The following RAP1GAP2 variants were observed in gnomAD, a reference collection of about 807,000 sequenced individuals.
RAP1GAP2 encodes the protein rap1 GTPase-activating protein 2.
RAP1GAP2 carries 27 observed loss-of-function variants against 95.0 expected under a neutral mutation model. That is an observed-to-expected ratio of 0.28 (90% CI 0.21 to 0.39). The LOEUF is 0.39. Ranked by LOEUF, RAP1GAP2 falls within the 10% of genes least tolerant of loss-of-function variation. The pLI, the probability that RAP1GAP2 is intolerant of heterozygous loss-of-function variation, is 1.00. For missense variants in RAP1GAP2, 771 were observed against 970.0 expected, an observed-to-expected ratio of 0.79 and a Z score of 2.72; for synonymous variants, 373 against 380.9, an observed-to-expected ratio of 0.98 and a Z score of 0.24.
intron 3 of RAP1GAP2, among the ~76,000 whole-genome samples, chr17:2,951,841 C>T (rs536514913): frequency 1.3e-5 from 2 of 152,160 alleles, no homozygotes; most frequent in Admixed American, 1.3e-4. Context: ...CAAGACCAGC[C>T]TGGCCAACAT....
chr17:2,991,644 C>T (rs940645482), intron 12 of RAP1GAP2, among the ~76,000 whole-genome samples: 1 of 152,246 alleles, frequency 6.6e-6, no homozygotes, highest in Admixed American at 6.5e-5. Flanking sequence ...TGCCTTCCTA[C>T]TTACCTTTGG....
chr17:2,962,465 A>G (rs2044377216), intron 4 of RAP1GAP2: 1 of 549,440 alleles, frequency 1.8e-6, no homozygotes, highest in Non-Finnish European at 3.1e-6. Context: ...GCTCAAGTCT[A>G]TGCTGTTAGC....
At chr17:2,865,753 G>A (rs747895498) in intron 2 of RAP1GAP2, among the ~76,000 whole-genome samples, 11 of 152,178 alleles carry the variant, frequency 7.2e-5, no homozygotes, top group Non-Finnish European at 7.3e-5. Context: ...GGACTCAGCC[G>A]TGGTGCAAGT....
chr17:2,820,716 A>G (rs1387871553), intron 2 of RAP1GAP2, among the ~76,000 whole-genome samples: 1 of 150,192 alleles, frequency 6.7e-6, no homozygotes, highest in East Asian at 2.0e-4. Flanking sequence ...TTTCATGTTG[A>G]TTTGAGTGAC....
At position 2,816,231 on chromosome 17, in the gene RAP1GAP2, G is replaced by GT. The variant is rs201197626; in HGVS notation, c.80+15685dup. 1.1e-3 allele frequency among the ~76,000 whole-genome samples: 165 copies of GT among 146,678 alleles called. 1 individual carries two copies. The highest frequency in any genetic ancestry group is 1.4e-3 in the Non-Finnish European group (93 of 66,140). ...GCTGACCATACAGAGGTGCTGTTTT[G>GT]TTTTGTTTTTTTTTTTTCTTAGGAT... On this transcript the variant is annotated intron_variant, in intron 2 of 24. Coordinates refer to ENST00000254695, the MANE Select transcript of RAP1GAP2 (RefSeq NM_015085.5).
intron 1 of RAP1GAP2, among the ~76,000 whole-genome samples, chr17:2,762,638 T>A (rs984151979): frequency 6.6e-6 from 1 of 151,638 alleles, no homozygotes; most frequent in Non-Finnish European, 1.5e-5. Flanking sequence ...TTACCTCAGA[T>A]GATCCACTTG....
chr17:2,862,437 C>T (rs932260081), intron 2 of RAP1GAP2, among the ~76,000 whole-genome samples: 5 of 152,078 alleles, frequency 3.3e-5, no homozygotes, highest in Admixed American at 2.0e-4. Flanking sequence ...GTGAAATCAA[C>T]GAAAAGCACT....
chr17:2,981,796 G>A (rs4790402), intron 10 of RAP1GAP2, among the ~76,000 whole-genome samples: 28,873 of 152,184 alleles, frequency 0.19, 2,756 homozygotes, highest in Admixed American at 0.22. Flanking sequence ...TGATATGGGC[G>A]TGTGAGTGGG....
Position 2,881,881 on chromosome 17 carries a change from C to T in RAP1GAP2, c.81-23403C>T, listed in dbSNP as rs140710544. Among the ~76,000 whole-genome samples the T allele has an allele frequency of 8.4e-3, 1,284 of 152,094 alleles. 8 individuals are homozygous for T. Among genetic ancestry groups the T allele is most frequent in the Non-Finnish European group, 0.012 (828 of 67,978 alleles). On this transcript the variant is annotated intron_variant, in intron 2 of 24. Transcript: ENST00000254695. ...TGTCGCCCAAGCTGGAGTGCAGTGG[C>T]GCAATCTCGGCTCACTGCAACCTCT...
intron 2 of RAP1GAP2, among the ~76,000 whole-genome samples, chr17:2,819,483 T>C (rs991275104): frequency 6.6e-6 from 1 of 151,610 alleles, no homozygotes; most frequent in African/African-American, 2.4e-5. Flanking sequence ...ACACTTTTTT[T>C]TTTCTTTTTT....
chr17:2,953,720 G>A (rs896982890), intron 3 of RAP1GAP2, among the ~76,000 whole-genome samples: 4 of 152,222 alleles, frequency 2.6e-5, no homozygotes, highest in South Asian at 4.1e-4. Context: ...GGGGGCGCAT[G>A]CCTGTAATCC....
In RAP1GAP2 at chr17:2,965,166, A is replaced by G; in HGVS notation, c.493-374A>G. 4.5e-6 allele frequency: 1 copy of G among 221,660 alleles called. No homozygotes were observed. Among genetic ancestry groups the G allele is most frequent in the Non-Finnish European group, 9.1e-6 (1 of 109,722 alleles). 13.7% of individuals were successfully genotyped at this position (221,660 alleles called of 1,614,324 possible). On this transcript the variant is annotated intron_variant, in intron 7 of 24. Coordinates refer to ENST00000254695, the MANE Select transcript of RAP1GAP2 (RefSeq NM_015085.5). This position sits in a 1 kb window ranked among gnomAD's most constrained non-coding sequence, Gnocchi z 4.7. ...TGGACTCGGTATCTTGTGGTTAAGA[A>G]CTTGCCCTTCAGAGTCAAGACAGCT... is the stretch of plus-strand genomic sequence containing the variant.
chr17:2,832,355 G>C (rs139248612), intron 2 of RAP1GAP2, among the ~76,000 whole-genome samples: 3 of 151,000 alleles, frequency 2.0e-5, no homozygotes, highest in Admixed American at 6.6e-5. Flanking sequence ...TCAGGAGATC[G>C]AGATCATCCT....
chr17:3,037,325 T>C lies in RAP1GAP2; in HGVS notation c.*3964T>C, dbSNP rs1245160494. On this transcript the variant is annotated 3_prime_UTR_variant, in exon 25 of 25. Transcript: ENST00000254695. ...GAAGACTGGAATTTAATTGCCATCG[T>C]CTTTGATTTTGTGACATTTCTGCTT... is the stretch of plus-strand genomic sequence containing the variant. The C allele has an allele frequency of 6.7e-6, 1 of 149,680 alleles. No individual in the cohort carries two copies. Among genetic ancestry groups the C allele is most frequent in the Non-Finnish European group, 1.5e-5 (1 of 67,760 alleles). The allele number at this position is 149,680 out of a possible 1,614,324, so 9.3% of individuals were successfully genotyped here. A position where few individuals can be genotyped will look rare whatever the true frequency, so the allele number is the denominator to read the frequency against.
chr17:2,879,599 G>A (rs1037833174), intron 2 of RAP1GAP2, among the ~76,000 whole-genome samples: 4 of 152,042 alleles, frequency 2.6e-5, no homozygotes, highest in South Asian at 2.1e-4. Flanking sequence ...GGTGGTCGGC[G>A]CCTGTAATCC....
intron 8 of RAP1GAP2, among the ~76,000 whole-genome samples, chr17:2,977,668 C>G (rs1269885798): frequency 1.3e-5 from 2 of 150,002 alleles, no homozygotes; most frequent in Admixed American, 1.3e-4. Flanking sequence ...TTGCTTGAAC[C>G]CGGGAGGCAG....
At chr17:2,763,866 GA>G (rs1376192671) in intron 1 of RAP1GAP2, among the ~76,000 whole-genome samples, 2 of 152,032 alleles carry the variant, frequency 1.3e-5, no homozygotes, top group African/African-American at 4.8e-5. Context: ...GATGGGGTTG[GA>G]GTGGGAGATG....
chr17:2,883,240 G>A (rs2073370815), intron 2 of RAP1GAP2, among the ~76,000 whole-genome samples: 1 of 152,228 alleles, frequency 6.6e-6, no homozygotes, highest in African/African-American at 2.4e-5. Context: ...CTCTGAGGGG[G>A]CAGCAAAGCC....
intron 3 of RAP1GAP2, among the ~76,000 whole-genome samples, chr17:2,920,167 G>A (rs903604558): frequency 6.6e-6 from 1 of 152,172 alleles, no homozygotes; most frequent in African/African-American, 2.4e-5. Flanking sequence ...ACCACGCCCT[G>A]CTAGGCTTAA....
Sources: gnomAD v4.1 joint callset for allele counts (sites outside exome capture counted in the v4.1 genomes callset) on GRCh38, gnomAD v4.1.1 for gene constraint, Gnocchi (gnomAD v3.1) non-coding constraint, MANE v1.5 for transcripts, NCBI Gene and HGNC (gene_info 2026-07-23, HGNC 2026-07-21) for gene names.